The following GPATCH11 variants were observed in gnomAD, a reference collection of about 807,000 sequenced individuals.
The protein encoded by GPATCH11 is G-patch domain containing 11.
In GPATCH11, 32 loss-of-function variants were observed where a neutral mutation model predicts 44.8. That is an observed-to-expected ratio of 0.71 (90% CI 0.54 to 0.96). The LOEUF is 0.96. GPATCH11 is among the 40% of genes least tolerant of loss of function. The pLI, the probability that GPATCH11 is intolerant of heterozygous loss-of-function variation, is 0.00. For synonymous variants in GPATCH11, 84 were observed against 94.4 expected (o/e 0.89, Z 0.64); for missense variants, 324 against 303.1 (o/e 1.07, Z -0.51).
At position 37,085,169 on chromosome 2, in the gene GPATCH11, AG is replaced by A. The variant is rs1672940520; in HGVS notation, c.-14+600del. ...TTACCAATAGAAAGAGAGCTTTAAAAGCAACCTGTAACCCCATTCAGATGTG... is the reference window on the plus strand; with the variant it reads ...TTACCAATAGAAAGAGAGCTTTAAAACAACCTGTAACCCCATTCAGATGTG... On this transcript the variant is annotated intron_variant, in intron 1 of 8. Coordinates refer to ENST00000674370, the MANE Select transcript of GPATCH11 (RefSeq NM_174931.4). Among the ~76,000 whole-genome samples, 4 of 152,238 alleles carry A rather than the reference AG, an allele frequency of 2.6e-5. No individual in the cohort carries two copies. In the South Asian group the frequency reaches 6.2e-4, roughly 24 times the overall value.
rs953448965 is a variant in GPATCH11 at position 37,097,491 on chromosome 2, T to C, written c.*1228T>C. 1 of 152,202 alleles carries C rather than the reference T, an allele frequency of 6.6e-6. No homozygotes were observed. The highest frequency in any genetic ancestry group is 1.5e-5 in the Non-Finnish European group (1 of 68,040). The allele number at this position is 152,202 out of a possible 1,614,324, so 9.4% of individuals were successfully genotyped here. A position where few individuals can be genotyped will look rare whatever the true frequency, so the allele number is the denominator to read the frequency against. On this transcript the variant is annotated 3_prime_UTR_variant, in exon 9 of 9. Transcript: ENST00000674370. ...GTTCCTGGATATCTATATATTTATT[T>C]TGAAGTCCCAAGAATGAGTGATAAG...
Position 37,089,555 on chromosome 2 carries a change from G to A in GPATCH11, c.60-85G>A, listed in dbSNP as rs142759365. The A allele has an allele frequency of 2.7e-4, 281 of 1,049,364 alleles. No individual in the cohort carries two copies. The East Asian group carries it at 6.1e-3, about 23-fold the overall frequency. 65.0% of individuals were successfully genotyped at this position (1,049,364 alleles called of 1,614,324 possible). ...GCATTACAGCCCGGGCAACAAGAGC[G>A]AAACTCCGTCTCAAAAAATAAAAAA... On this transcript the variant is annotated intron_variant, in intron 2 of 8. Transcript: ENST00000674370.
chr2:37,090,250 C>T (rs750918679), intron 3 of GPATCH11, among the ~76,000 whole-genome samples: 1 of 152,244 alleles, frequency 6.6e-6, no homozygotes, highest in Non-Finnish European at 1.5e-5. Context: ...TGGCAGCCAT[C>T]TGAATGACCG....
rs182803705 is a variant in GPATCH11 at position 37,084,939 on chromosome 2, A to G, written c.-14+369A>G. Among the ~76,000 whole-genome samples, 11 of 152,332 alleles carry G rather than the reference A, an allele frequency of 7.2e-5. No homozygotes were observed. In the East Asian group the frequency reaches 1.9e-3, roughly 27 times the overall value. ...CTCCGTTCTTCCATGTATTCAGGCC[A>G]AAAACTTAGCGTTATCTTGACATCG... On this transcript the variant is annotated intron_variant, in intron 1 of 8. Coordinates refer to ENST00000674370, the MANE Select transcript of GPATCH11 (RefSeq NM_174931.4).
chr2:37,096,689 G>A lies in GPATCH11; in HGVS notation c.*426G>A, dbSNP rs2148651544. ...GAGACTGTAATATTTCTCCCTGATTGGAGAGAACAGCGGGTCTCTGCCTTG... is the reference window on the plus strand; with the variant it reads ...GAGACTGTAATATTTCTCCCTGATTAGAGAGAACAGCGGGTCTCTGCCTTG... On this transcript the variant is annotated 3_prime_UTR_variant, in exon 9 of 9. Coordinates refer to ENST00000674370, the MANE Select transcript of GPATCH11 (RefSeq NM_174931.4). 5.8e-6 allele frequency: 1 copy of A among 171,458 alleles called. No homozygotes were observed. The highest frequency in any genetic ancestry group is 1.8e-4 in the East Asian group (1 of 5,424). 10.6% of individuals were successfully genotyped at this position (171,458 alleles called of 1,614,324 possible).
intron 1 of GPATCH11, among the ~76,000 whole-genome samples, chr2:37,085,400 T>C (rs1305710740): frequency 6.6e-6 from 1 of 152,224 alleles, no homozygotes; most frequent in Non-Finnish European, 1.5e-5. Context: ...TGGGTAAGTG[T>C]TAAACCATTA....
At chr2:37,085,951 G>A (rs1008416546) in intron 1 of GPATCH11, among the ~76,000 whole-genome samples, 4 of 152,170 alleles carry the variant, frequency 2.6e-5, no homozygotes, top group Non-Finnish European at 5.9e-5. Context: ...GCTTTTAATA[G>A]GAGGACTCAG....
chr2:37,091,768 C>T, intron 4 of GPATCH11, 148 bp from the exon 5 acceptor site: 1 of 552,016 alleles, frequency 1.8e-6, no homozygotes, highest in Non-Finnish European at 3.0e-6. Context: ...TAAAAAAAAC[C>T]CTAGTGTTTT....
At chr2:37,089,931 C>T in intron 3 of GPATCH11, 65 bp downstream of exon 3, 1 of 1,077,482 alleles carries the variant, frequency 9.3e-7, no homozygotes, top group South Asian at 1.4e-5. Flanking sequence ...GGATAAGGAC[C>T]AAAGCTGATG....
chr2:37,098,995 A>G lies in GPATCH11; in HGVS notation c.*2732A>G, dbSNP rs1673745772. On this transcript the variant is annotated 3_prime_UTR_variant, in exon 9 of 9. Coordinates refer to ENST00000674370, the MANE Select transcript of GPATCH11 (RefSeq NM_174931.4). ...CACCAAGGGAAGCAAAACACTGAAAAGAATTTTAAAATTTGTTGTAGAACA... is the reference window on the plus strand; with the variant it reads ...CACCAAGGGAAGCAAAACACTGAAAGGAATTTTAAAATTTGTTGTAGAACA... 1 of 152,270 alleles carries G rather than the reference A, an allele frequency of 6.6e-6. No individual in the cohort carries two copies. The highest frequency in any genetic ancestry group is 2.4e-5 in the African/African-American group (1 of 41,484). 9.4% of individuals were successfully genotyped at this position (152,270 alleles called of 1,614,324 possible). A position where few individuals can be genotyped will look rare whatever the true frequency, so the allele number is the denominator to read the frequency against.
In GPATCH11 at chr2:37,088,446, T is replaced by C; in HGVS notation, c.59+6T>C. The stretch of plus-strand genomic sequence containing the variant: ...GATTCCTTCATTAATGTCCAGTAAG[T>C]AAATGTGCACACCCAGTGCAATGAT... On this transcript the variant is annotated splice_donor_region_variant and intron_variant, in intron 2 of 8. Transcript: ENST00000674370. The C allele has an allele frequency of 6.8e-7, 1 of 1,470,388 alleles. No homozygotes were observed. The highest frequency in any genetic ancestry group is 9.5e-7 in the Non-Finnish European group (1 of 1,055,858). 91.1% of individuals were successfully genotyped at this position (1,470,388 alleles called of 1,614,324 possible). A position where few individuals can be genotyped will look rare whatever the true frequency, so the allele number is the denominator to read the frequency against.
rs1673585805 is a variant in GPATCH11 at position 37,096,372 on chromosome 2, T to A, written c.*109T>A. 2.9e-6 allele frequency: 2 copies of A among 683,690 alleles called. No homozygotes were observed. The highest frequency in any genetic ancestry group is 1.8e-5 in the African/African-American group (1 of 54,198). The allele number at this position is 683,690 out of a possible 1,614,324, so 42.4% of individuals were successfully genotyped here. On this transcript the variant is annotated 3_prime_UTR_variant, in exon 9 of 9. Transcript: ENST00000674370. ...TTTATGCCAGTAAAGAAAGGGGGAC[T>A]TTATATAATGTTTTGTTCTTTTTGT...
At chr2:37,084,737 G>C (rs960362774) in intron 1 of GPATCH11, among the ~76,000 whole-genome samples, 167 bp downstream of exon 1, 1 of 152,220 alleles carries the variant, frequency 6.6e-6, no homozygotes, top group East Asian at 1.9e-4. Context: ...GAAGGGATCA[G>C]CGGTTCCTGA....
intron 1 of GPATCH11, among the ~76,000 whole-genome samples, chr2:37,086,810 A>G (rs192019604): frequency 3.3e-5 from 5 of 152,338 alleles, no homozygotes; most frequent in Admixed American, 3.3e-4. Context: ...AAAAACAAAA[A>G]AGAAAACCAT....
rs1010719790 is a variant in GPATCH11 at position 37,098,493 on chromosome 2, A to C, written c.*2230A>C. Reference sequence around the variant, plus strand: ...CAACATTCAGTCAAATCCCAAAGCCAAATGGATAATTTCAGATGGAATGGA... The same window carrying C: ...CAACATTCAGTCAAATCCCAAAGCCCAATGGATAATTTCAGATGGAATGGA... On this transcript the variant is annotated 3_prime_UTR_variant, in exon 9 of 9. Transcript: ENST00000674370. 6.6e-6 allele frequency: 1 copy of C among 152,068 alleles called. No individual in the cohort carries two copies. The highest frequency in any genetic ancestry group is 1.5e-5 in the Non-Finnish European group (1 of 68,042). 9.4% of individuals were successfully genotyped at this position (152,068 alleles called of 1,614,324 possible). A position where few individuals can be genotyped will look rare whatever the true frequency, so the allele number is the denominator to read the frequency against.
intron 1 of GPATCH11, among the ~76,000 whole-genome samples, chr2:37,087,820 A>G (rs1208934766): frequency 6.6e-6 from 1 of 152,242 alleles, no homozygotes; most frequent in Non-Finnish European, 1.5e-5. Flanking sequence ...GAAGGACAAC[A>G]TCTCATGCTT....
rs1673625172 is a variant in GPATCH11 at position 37,097,094 on chromosome 2, T to C, written c.*831T>C. The C allele has an allele frequency of 6.6e-6, 1 of 152,200 alleles. No homozygotes were observed. Among genetic ancestry groups the C allele is most frequent in the Non-Finnish European group, 1.5e-5 (1 of 68,026 alleles). 9.4% of individuals were successfully genotyped at this position (152,200 alleles called of 1,614,324 possible). On this transcript the variant is annotated 3_prime_UTR_variant, in exon 9 of 9. Coordinates refer to ENST00000674370, the MANE Select transcript of GPATCH11 (RefSeq NM_174931.4). ...CATTATATGTGATCTGTTGGAAGTT[T>C]TGGCTAGAGAAACTTAATTGTGAGG...
intron 2 of GPATCH11, among the ~76,000 whole-genome samples, chr2:37,089,421 G>A (rs1477631484): frequency 6.6e-6 from 1 of 152,068 alleles, no homozygotes. Context: ...ACAAAAAATA[G>A]CCGGGCATGG....
chr2:37,093,951 G>A (rs546407283), intron 6 of GPATCH11, 131 bp from the exon 7 acceptor site: 39 of 634,062 alleles, frequency 6.2e-5, no homozygotes, highest in South Asian at 2.8e-4. Flanking sequence ...CACCGTGCCC[G>A]GCCAGTGTTT....
Sources: gnomAD v4.1 joint callset for allele counts (sites outside exome capture counted in the v4.1 genomes callset) on GRCh38, gnomAD v4.1.1 for gene constraint, MANE v1.5 for transcripts, NCBI Gene and HGNC (gene_info 2026-07-23, HGNC 2026-07-21) for gene names.